Variants in VPS13A observed in about 807,000 individuals in gnomAD.
VPS13A encodes intermembrane lipid transfer protein VPS13A.
In VPS13A, 264 loss-of-function variants were observed where a neutral mutation model predicts 390.9. The observed-to-expected ratio is 0.68, with a 90% confidence interval of 0.61 to 0.75. The LOEUF is 0.75. Ranked by LOEUF, VPS13A falls within the 30% of genes least tolerant of loss-of-function variation. The pLI, the probability that VPS13A is intolerant of heterozygous loss-of-function variation, is 0.00. For missense variants in VPS13A, 3,409 were observed against 3,733.9 expected (o/e 0.91, Z 2.27); for synonymous variants, 1,231 against 1,227.1 (o/e 1.00, Z -0.07).
At position 77,340,189 on chromosome 9, in the gene VPS13A, G is replaced by A. The variant is rs922410727; in HGVS notation, c.6786G>A (p.Met2262Ile). 3.1e-6 allele frequency: 5 copies of A among 1,612,868 alleles called. No individual in the cohort carries two copies. Among genetic ancestry groups the A allele is most frequent in the South Asian group, 1.1e-5 (1 of 91,002 alleles). ...HFFNNNKVQL[M>I]VTDSELSNQF... ...TATTTTTTTCCTAGGTTCAACTTAT[G>A]GTAACTGATAGTGAGTTGTCCAATC... is the stretch of plus-strand genomic sequence containing the variant. The change falls in exon 49 of 72, where the codon ATG becomes ATA. Residue 2262 changes from methionine (M) to isoleucine (I), a missense_variant. Physicochemically the swap from Met to Ile is conservative, Grantham distance 10 (BLOSUM62 1). Transcript: ENST00000360280.
chr9:77,245,851 G>C (rs1030731502), intron 19 of VPS13A, among the ~76,000 whole-genome samples: 8 of 152,196 alleles, frequency 5.3e-5, no homozygotes, highest in African/African-American at 1.9e-4. Context: ...GGTTCTACAG[G>C]CTGTACAAGA....
rs1425840625 is a variant in VPS13A at position 77,302,901 on chromosome 9, A to G, written c.3813-14A>G. The G allele has an allele frequency of 6.2e-7, 1 of 1,609,008 alleles. No individual in the cohort carries two copies. The highest frequency in any genetic ancestry group is 8.5e-7 in the Non-Finnish European group (1 of 1,175,682). Reference sequence around the variant, plus strand: ...ATATGAAACAATTTAAAAGAATGTTATCTCTACTTATAGATCTCGATTTAT... The same window carrying G: ...ATATGAAACAATTTAAAAGAATGTTGTCTCTACTTATAGATCTCGATTTAT... On this transcript the variant is annotated splice_polypyrimidine_tract_variant and intron_variant, in intron 33 of 71. Transcript: ENST00000360280.
chr9:77,252,311 A>T lies in VPS13A; in HGVS notation c.2247A>T (p.Glu749Asp). ...HILVPMHFNL[E>D]LSKAMVFMDV... ...TGGTACCCATGCACTTCAATTTGGA[A>T]CTGTCTAAGGCCATGGTTTTCATGG... Residue 749 changes from glutamate to aspartate, a missense_variant, in exon 22 of 72, where the codon GAA (glutamate) becomes GAT (aspartate). Physicochemically the swap from Glu to Asp is conservative, Grantham distance 45 (BLOSUM62 2). This residue lies in a region of VPS13A where 2,717 missense variants were observed against 2,917.4 expected (regional missense o/e 0.93). Transcript: ENST00000360280. The T allele has an allele frequency of 6.2e-7, 1 of 1,613,964 alleles. No homozygotes were observed. Among genetic ancestry groups the T allele is most frequent in the Non-Finnish European group, 8.5e-7 (1 of 1,179,914 alleles).
chr9:77,363,075 T>C (rs1435765523), intron 59 of VPS13A, among the ~76,000 whole-genome samples: 2 of 152,176 alleles, frequency 1.3e-5, no homozygotes, highest in Non-Finnish European at 2.9e-5. Flanking sequence ...TACTTCATTC[T>C]TTCTGATCTG....
chr9:77,235,007 C>T (rs1017448817), intron 17 of VPS13A, among the ~76,000 whole-genome samples: 2 of 152,022 alleles, frequency 1.3e-5, no homozygotes, highest in African/African-American at 4.8e-5. Context: ...TACTTGTGTT[C>T]ATTAGTCTAG....
At chr9:77,355,721 T>C (rs934954702) in intron 54 of VPS13A, among the ~76,000 whole-genome samples, 2 of 152,234 alleles carry the variant, frequency 1.3e-5, no homozygotes, top group African/African-American at 2.4e-5. Flanking sequence ...CTTCTAGTTA[T>C]GCAGCCCAAA....
At position 77,316,425 on chromosome 9, in the gene VPS13A, C is replaced by T. The variant is rs1214439252; in HGVS notation, c.4863+19C>T. The T allele has an allele frequency of 2.1e-5, 33 of 1,595,790 alleles. No homozygotes were observed. Among genetic ancestry groups the T allele is most frequent in the Non-Finnish European group, 2.5e-5 (29 of 1,164,078 alleles). ...CACTACTGTGAGTTAACTATTTGAT[C>T]ATCTGCTTAATTGTAACTATTTTGG... On this transcript the variant is annotated intron_variant, in intron 39 of 71. Coordinates refer to ENST00000360280, the MANE Select transcript of VPS13A (RefSeq NM_033305.3).
chr9:77,412,962 G>A (rs1489758357), intron 71 of VPS13A, among the ~76,000 whole-genome samples: 6 of 151,144 alleles, frequency 4.0e-5, no homozygotes, highest in African/African-American at 1.5e-4. Flanking sequence ...ATAACAGACA[G>A]AGAGCCAAAT....
chr9:77,293,575 T>C, intron 32 of VPS13A, 67 bp downstream of exon 32: 2 of 939,428 alleles, frequency 2.1e-6, no homozygotes, highest in Non-Finnish European at 2.9e-6. Flanking sequence ...CAAATATGGA[T>C]GAAGACTAGT....
At chr9:77,365,927 AG>A (rs1309141153) in intron 60 of VPS13A, among the ~76,000 whole-genome samples, 2 of 152,244 alleles carry the variant, frequency 1.3e-5, no homozygotes, top group East Asian at 3.9e-4. Flanking sequence ...ATCAAATCTA[AG>A]TTAGTTTTTA....
intron 50 of VPS13A, among the ~76,000 whole-genome samples, chr9:77,343,295 T>C (rs554127466): frequency 2.6e-5 from 4 of 152,334 alleles, no homozygotes; most frequent in African/African-American, 9.6e-5. Context: ...ATGTCTCATA[T>C]CTAGTTCCAT....
At chr9:77,281,755 AT>A in intron 27 of VPS13A, 111 bp from the exon 28 acceptor site, 1 of 598,996 alleles carries the variant, frequency 1.7e-6, no homozygotes, top group Non-Finnish European at 3.0e-6. Context: ...ATATATATAT[AT>A]ATGTATATGA....
intron 56 of VPS13A, 63 bp downstream of exon 56, chr9:77,357,901 C>G: frequency 7.3e-7 from 1 of 1,369,494 alleles, no homozygotes; most frequent in Admixed American, 1.8e-5. Context: ...GAAACCAGAT[C>G]TATTCCCATG....
chr9:77,338,451 G>A (rs1418879902), intron 47 of VPS13A: 2 of 152,132 alleles, frequency 1.3e-5, no homozygotes, highest in African/African-American at 4.8e-5. Context: ...ATGTTCTTAA[G>A]CAGGCTTTAT....
At chr9:77,299,353 A>ATGGC (rs1828204799) in intron 33 of VPS13A, among the ~76,000 whole-genome samples, 1 of 152,134 alleles carries the variant, frequency 6.6e-6, no homozygotes, top group Admixed American at 6.6e-5. Context: ...TTTGGGCAGT[A>ATGGC]TGGCCATTTA....
chr9:77,340,148 T>G (rs745568847), intron 48 of VPS13A, 30 bp from the exon 49 acceptor site: 1 of 1,587,936 alleles, frequency 6.3e-7, no homozygotes, highest in Non-Finnish European at 8.6e-7. Context: ...GTACCTAAAT[T>G]GTGATGTATT....
At position 77,419,623 on chromosome 9, in the gene VPS13A, G is replaced by A. The variant is rs898383758; in HGVS notation, c.*3617G>A. On this transcript the variant is annotated 3_prime_UTR_variant, in exon 72 of 72. Coordinates refer to ENST00000360280, the MANE Select transcript of VPS13A (RefSeq NM_033305.3). Reference sequence around the variant, plus strand: ...ATATTTTTCTTCTCTGCTGTGTATCGGGCAACCTCACATGATTCAGTGGGA... The same window carrying A: ...ATATTTTTCTTCTCTGCTGTGTATCAGGCAACCTCACATGATTCAGTGGGA... 5 of 152,148 alleles carry A rather than the reference G, an allele frequency of 3.3e-5. No individual in the cohort carries two copies. The highest frequency in any genetic ancestry group is 3.9e-4 in the East Asian group (2 of 5,170). The allele number at this position is 152,148 out of a possible 1,614,324, so 9.4% of individuals were successfully genotyped here. A position where few individuals can be genotyped will look rare whatever the true frequency, so the allele number is the denominator to read the frequency against.
At chr9:77,382,774 A>T (rs1442403816) in intron 68 of VPS13A, 1 of 985,552 alleles carries the variant, frequency 1.0e-6, no homozygotes, top group Non-Finnish European at 1.2e-6. Flanking sequence ...GGGATTTGAT[A>T]AGCAGTTCAC....
intron 71 of VPS13A, among the ~76,000 whole-genome samples, chr9:77,409,964 A>G (rs966950127): frequency 2.0e-5 from 3 of 151,644 alleles, no homozygotes; most frequent in Non-Finnish European, 4.4e-5. Context: ...GATACTCCTC[A>G]AGAAGAGCAA....
Sources: allele counts gnomAD v4.1 joint callset (sites outside exome capture counted in the v4.1 genomes callset), GRCh38; gene constraint gnomAD v4.1.1; regional missense constraint gnomAD v4.1.1; transcripts MANE v1.5; gene names NCBI Gene and HGNC (gene_info 2026-07-23, HGNC 2026-07-21).